The following MYBL2 variants were observed in gnomAD, a reference collection of about 807,000 sequenced individuals.
The protein encoded by MYBL2 is myb-related protein B.
In MYBL2, 28 loss-of-function variants were observed where a neutral mutation model predicts 79.9. The ratio of observed to expected loss-of-function variants is 0.35; its 90% CI spans 0.26 to 0.48. MYBL2 has a LOEUF of 0.48. Among genes scored for constraint, MYBL2 ranks in the 20% least tolerant of loss-of-function variants. The probability of loss-of-function intolerance (pLI) is 0.99; values close to 1 mark genes in which losing one functional copy is unlikely to be tolerated. For synonymous variants in MYBL2, 378 were observed against 361.2 expected, an observed-to-expected ratio of 1.05 and a Z score of -0.53; for missense variants, 735 against 893.9, an observed-to-expected ratio of 0.82 and a Z score of 2.27.
At position 43,681,846 on chromosome 20, in the gene MYBL2, C is replaced by T. The variant is rs766026889; in HGVS notation, c.177C>T (p.Ser59=). ...FGQQDWKFLA[S]HFPNRTDQQC... is the part of the protein sequence containing the mutation. The stretch of plus-strand genomic sequence containing the variant: ...AGCAGGACTGGAAGTTCCTGGCCAG[C>T]CACTTCCCTGTGAGTACAGTCCTGC... Residue 59 remains serine (S), a synonymous_variant, in exon 3 of 14, where the codon AGC becomes AGT. Transcript: ENST00000217026. 1 of 1,614,068 alleles carries T rather than the reference C, an allele frequency of 6.2e-7. No individual in the cohort carries two copies. The highest frequency in any genetic ancestry group is 1.1e-5 in the South Asian group (1 of 91,086).
intron 5 of MYBL2, among the ~76,000 whole-genome samples, chr20:43,688,902 G>A (rs1001553666): frequency 1.3e-5 from 2 of 152,094 alleles, no homozygotes; most frequent in African/African-American, 4.8e-5. Flanking sequence ...TGATTCTCCT[G>A]CCTCAGCCTC....
chr20:43,702,883 C>T lies in MYBL2; in HGVS notation c.1345C>T (p.Leu449=). 6.3e-7 allele frequency: 1 copy of T among 1,596,560 alleles called. No homozygotes were observed. The highest frequency in any genetic ancestry group is 8.6e-7 in the Non-Finnish European group (1 of 1,166,234). Residue 449 remains leucine (L), a synonymous_variant, in exon 8 of 14, where the codon CTG becomes TTG. Coordinates refer to ENST00000217026, the MANE Select transcript of MYBL2 (RefSeq NM_002466.4). ...GCCCAAGAGCACACCTGTTAAGACC[C>T]TGCCCTTCTCGCCCTCCCAGGTGCG... is the stretch of plus-strand genomic sequence containing the variant. The part of the protein sequence containing the change: ...LTPKSTPVKT[L]PFSPSQFLNF...
intron 12 of MYBL2, 116 bp downstream of exon 12, chr20:43,713,222 T>G: frequency 2.4e-6 from 1 of 423,870 alleles, no homozygotes. Context: ...GGAGGGGCTA[T>G]CAGGGAGGGT....
intron 9 of MYBL2, among the ~76,000 whole-genome samples, chr20:43,706,717 A>ATTTTTTTTTTT (rs553045264): frequency 1.0e-5 from 1 of 95,286 alleles, no homozygotes; most frequent in African/African-American, 4.8e-5. Context: ...AAAAAAAAAA[A>ATTTTTTTTTTT]AGTTTTTTTT....
At chr20:43,669,471 C>G (rs1265226611) in intron 1 of MYBL2, among the ~76,000 whole-genome samples, 1 of 152,216 alleles carries the variant, frequency 6.6e-6, no homozygotes, top group Non-Finnish European at 1.5e-5. Flanking sequence ...TGCTGTAACT[C>G]TCCTCTGCCC....
rs1320496979 is a variant in MYBL2, at chr20:43,711,509, G to C, written c.1627G>C (p.Glu543Gln). 6.2e-7 allele frequency: 1 copy of C among 1,613,552 alleles called. No individual in the cohort carries two copies. Residue 543 changes from glutamate (E) to glutamine (Q), a missense_variant, in exon 11 of 14, where the codon GAG becomes CAG. Transcript: ENST00000217026. ...ACAGCCACAGACCCCGCACCTGGAG[G>C]AGGACTTGAAGGAGGTGCTGCGTTC... ...KPLPQTPHLE[E>Q]DLKEVLRSEA...
At chr20:43,689,297 C>A (rs1294022013) in intron 5 of MYBL2, among the ~76,000 whole-genome samples, 1 of 152,124 alleles carries the variant, frequency 6.6e-6, no homozygotes, top group Non-Finnish European at 1.5e-5. Context: ...TGAAATGATC[C>A]CTTTTCAAAG....
rs774980196 is a variant in MYBL2, at chr20:43,715,257, C to T, written c.1948C>T (p.Arg650Ter). Reference sequence around the variant, plus strand: ...GAAGGCAGCAGTGGCCCAGAAGCCCCGAAGCCACTTCACGACACCTGCCCC... The same window carrying T: ...GAAGGCAGCAGTGGCCCAGAAGCCCTGAAGCCACTTCACGACACCTGCCCC... ...PEKAAVAQKP[R>*]SHFTTPAPMS... The change falls in exon 13 of 14, where the codon CGA becomes TGA. Residue 650 changes from arginine (R) to a stop codon, truncating the protein, a stop_gained. Coordinates refer to ENST00000217026, the MANE Select transcript of MYBL2 (RefSeq NM_002466.4). LOFTEE classifies it high-confidence loss of function. 1.1e-5 allele frequency: 17 copies of T among 1,614,216 alleles called. No homozygotes were observed. The highest frequency in any genetic ancestry group is 1.4e-5 in the Non-Finnish European group (16 of 1,180,034).
chr20:43,706,256 T>C (rs936630429), intron 9 of MYBL2, among the ~76,000 whole-genome samples: 2 of 152,204 alleles, frequency 1.3e-5, no homozygotes, highest in African/African-American at 4.8e-5. Flanking sequence ...AGGGCGAAAG[T>C]GCCCATCCCT....
chr20:43,704,511 G>T (rs1987738005), intron 8 of MYBL2, among the ~76,000 whole-genome samples: 1 of 152,194 alleles, frequency 6.6e-6, no homozygotes, highest in Non-Finnish European at 1.5e-5. Context: ...GGATGATGGA[G>T]CGTGGTCGCT....
intron 6 of MYBL2, among the ~76,000 whole-genome samples, chr20:43,694,061 G>A (rs1045263720): frequency 9.2e-5 from 14 of 151,566 alleles, no homozygotes; most frequent in Non-Finnish European, 1.9e-4. Flanking sequence ...GGCCGGGCAC[G>A]GTGGCTCACG....
At chr20:43,687,986 T>A (rs1987318305) in intron 5 of MYBL2, among the ~76,000 whole-genome samples, 1 of 137,428 alleles carries the variant, frequency 7.3e-6, no homozygotes, top group Non-Finnish European at 1.5e-5. Flanking sequence ...CACTCCAGCC[T>A]GGGCGACAGA....
intron 6 of MYBL2, among the ~76,000 whole-genome samples, chr20:43,696,360 C>A (rs1034053503): frequency 1.3e-5 from 2 of 151,750 alleles, no homozygotes; most frequent in Non-Finnish European, 2.9e-5. Flanking sequence ...CCTGCCTCAG[C>A]CTGCCGAGTA....
chr20:43,713,993 G>T (rs945879780), intron 12 of MYBL2, among the ~76,000 whole-genome samples: 1 of 152,186 alleles, frequency 6.6e-6, no homozygotes, highest in African/African-American at 2.4e-5. Context: ...CTGCCCTCAC[G>T]GTCCTTGCAG....
chr20:43,712,896 G>A, intron 11 of MYBL2, 106 bp from the exon 12 acceptor site: 2 of 841,498 alleles, frequency 2.4e-6, no homozygotes, highest in Non-Finnish European at 3.9e-6. Flanking sequence ...AGTCTGCACT[G>A]CAGCAGGGCC....
intron 9 of MYBL2, 76 bp from the exon 10 acceptor site, chr20:43,709,887 G>A (rs1421048415): frequency 1.6e-6 from 2 of 1,229,842 alleles, no homozygotes; most frequent in Non-Finnish European, 2.3e-6. Context: ...ACTGGGGGAA[G>A]GTGGAGCCAG....
At chr20:43,679,559 A>G (rs1180100035) in intron 2 of MYBL2, among the ~76,000 whole-genome samples, 2 of 152,052 alleles carry the variant, frequency 1.3e-5, no homozygotes, top group Admixed American at 1.3e-4. Context: ...GCCTGAGTGT[A>G]AGAGTCCTAG....
At chr20:43,679,022 G>A (rs572674000) in intron 2 of MYBL2, among the ~76,000 whole-genome samples, 4 of 152,168 alleles carry the variant, frequency 2.6e-5, no homozygotes, top group African/African-American at 9.6e-5. Flanking sequence ...AGGGTGGGTG[G>A]GAAGAATGTA....
Position 43,707,244 on chromosome 20 carries a change from G to T in MYBL2, c.1505+1886G>T, listed in dbSNP as rs186823113. ...TCAGTCTCTAAAGAGTTGATCTAAA[G>T]CATAACTTAGATAGGTTTCGTGAGA... On this transcript the variant is annotated intron_variant, in intron 9 of 13. Coordinates refer to ENST00000217026, the MANE Select transcript of MYBL2 (RefSeq NM_002466.4). Among the ~76,000 whole-genome samples, 48 of 150,674 alleles carry T rather than the reference G, an allele frequency of 3.2e-4. 1 individual carries two copies. Among genetic ancestry groups the T allele is most frequent in the Admixed American group, 5.9e-4 (9 of 15,148 alleles).
Sources: gnomAD v4.1 joint callset for allele counts (sites outside exome capture counted in the v4.1 genomes callset) on GRCh38, gnomAD v4.1.1 for gene constraint, MANE v1.5 for transcripts, NCBI Gene and HGNC (gene_info 2026-07-23, HGNC 2026-07-21) for gene names.